The following SIPA1L1 variants were observed in gnomAD, a reference collection of about 807,000 sequenced individuals.
SIPA1L1 encodes signal induced proliferation associated 1 like 1.
A neutral mutation model predicts 162.7 loss-of-function variants in SIPA1L1; 26 were observed. That is an observed-to-expected ratio of 0.16 (90% CI 0.12 to 0.22). The LOEUF is 0.22. Ranked by LOEUF, SIPA1L1 falls within the 10% of genes least tolerant of loss-of-function variation. The pLI is 1.00. For synonymous variants in SIPA1L1, 829 were observed against 837.4 expected (o/e 0.99, Z 0.17); for missense variants, 1,874 against 2,241.0 (o/e 0.84, Z 3.31).
intron 6 of SIPA1L1, 38 bp downstream of exon 6, chr14:71,618,925 A>T: frequency 6.2e-7 from 1 of 1,603,072 alleles, no homozygotes. Context: ...GTTTAACTGA[A>T]ATGGGGAAGA....
At chr14:71,713,686 A>G (rs1299917361) in intron 17 of SIPA1L1, among the ~76,000 whole-genome samples, 1 of 152,214 alleles carries the variant, frequency 6.6e-6, no homozygotes, top group East Asian at 1.9e-4. Context: ...TGTGTGGTTT[A>G]CATTGAACAT....
chr14:71,667,149 T>G lies in SIPA1L1; in HGVS notation c.2256-3970T>G, dbSNP rs1424974883. Among the ~76,000 whole-genome samples, 3 of 152,162 alleles carry G rather than the reference T, an allele frequency of 2.0e-5. No homozygotes were observed. In the East Asian group the frequency reaches 5.8e-4, roughly 29 times the overall value. On this transcript the variant is annotated intron_variant, in intron 10 of 23. Coordinates refer to ENST00000381232, the MANE Select transcript of SIPA1L1 (RefSeq NM_001386936.1). ...TGTCTCTCAGTCTCATCTACCAGTC[T>G]GCACCCCATGCCTACCTCACTCCTT...
At chr14:71,330,553 T>A (rs2034404834) in intron 2 of SIPA1L1, 1 of 1,355,478 alleles carries the variant, frequency 7.4e-7, no homozygotes, top group Non-Finnish European at 1.1e-6. Flanking sequence ...GATGCCTAGC[T>A]GGGAGGCCTT....
chr14:71,699,191 A>G (rs1222060351), intron 14 of SIPA1L1, 64 bp downstream of exon 14: 1 of 1,478,412 alleles, frequency 6.8e-7, no homozygotes, highest in Non-Finnish European at 9.4e-7. Flanking sequence ...ATCTGTACTC[A>G]GACATGTAAA....
At chr14:71,323,114 G>GT (rs1180437460) in intron 2 of SIPA1L1, among the ~76,000 whole-genome samples, 3 of 152,214 alleles carry the variant, frequency 2.0e-5, no homozygotes, top group Non-Finnish European at 4.4e-5. Context: ...TTGCTTTGAA[G>GT]TATGTGTGTA....
At chr14:71,584,782 T>C (rs958246422) in intron 4 of SIPA1L1, among the ~76,000 whole-genome samples, 2 of 152,248 alleles carry the variant, frequency 1.3e-5, no homozygotes, top group Non-Finnish European at 2.9e-5. Context: ...ATTAAACATG[T>C]AATAAGGAAA....
intron 10 of SIPA1L1, among the ~76,000 whole-genome samples, chr14:71,666,954 T>C (rs933000374): frequency 2.0e-5 from 3 of 152,048 alleles, no homozygotes; most frequent in Admixed American, 2.0e-4. Flanking sequence ...GAAATTTCTT[T>C]CAGAAGGTCT....
chr14:71,688,609 A>T (rs1454039141), intron 13 of SIPA1L1, among the ~76,000 whole-genome samples: 1 of 152,162 alleles, frequency 6.6e-6, no homozygotes, highest in Non-Finnish European at 1.5e-5. Context: ...GAGAACAAAT[A>T]CCTTATTGAG....
At chr14:71,461,246 C>T (rs1273050220) in intron 2 of SIPA1L1, among the ~76,000 whole-genome samples, 2 of 152,030 alleles carry the variant, frequency 1.3e-5, no homozygotes, top group Non-Finnish European at 2.9e-5. Flanking sequence ...GGAATGGTGC[C>T]ATATCAAGGA....
chr14:71,414,561 T>C (rs1473862437), intron 2 of SIPA1L1, among the ~76,000 whole-genome samples: 1 of 152,256 alleles, frequency 6.6e-6, no homozygotes, highest in African/African-American at 2.4e-5. Context: ...TGTTGTCATC[T>C]TTGCAGATGA....
At chr14:71,647,643 G>T (rs534311861) in intron 7 of SIPA1L1, among the ~76,000 whole-genome samples, 1 of 152,240 alleles carries the variant, frequency 6.6e-6, no homozygotes, top group Admixed American at 6.5e-5. Context: ...GTTCTCCCTG[G>T]AGGGAGAGAG....
chr14:71,484,343 TG>T (rs1281997416), intron 2 of SIPA1L1, among the ~76,000 whole-genome samples: 6 of 151,916 alleles, frequency 3.9e-5, no homozygotes, highest in Non-Finnish European at 7.4e-5. Flanking sequence ...CTTTTATCTT[TG>T]ATACTCAAAT....
chr14:71,567,712 G>T (rs2031006287), intron 4 of SIPA1L1, among the ~76,000 whole-genome samples: 1 of 146,824 alleles, frequency 6.8e-6, no homozygotes. Context: ...TTTGTAAACT[G>T]CAGTAGTGCT....
At chr14:71,343,420 G>GGAAGAA (rs2035850602) in intron 2 of SIPA1L1, among the ~76,000 whole-genome samples, 1 of 152,146 alleles carries the variant, frequency 6.6e-6, no homozygotes, top group Admixed American at 6.5e-5. Context: ...TGGGAATTCA[G>GGAAGAA]GAAGAATAGA....
chr14:71,419,537 C>A (rs2043036437), intron 2 of SIPA1L1, among the ~76,000 whole-genome samples: 2 of 138,470 alleles, frequency 1.4e-5, no homozygotes, highest in South Asian at 2.3e-4. Flanking sequence ...GTCGCCCAGG[C>A]CGGACTGCGG....
chr14:71,410,208 C>T (rs1183407293), intron 2 of SIPA1L1, among the ~76,000 whole-genome samples: 2 of 152,200 alleles, frequency 1.3e-5, no homozygotes, highest in East Asian at 1.9e-4. Context: ...CTTCTCAATC[C>T]GCTGGTGAGC....
chr14:71,426,818 A>T (rs1286944894), intron 2 of SIPA1L1, among the ~76,000 whole-genome samples: 3 of 152,046 alleles, frequency 2.0e-5, no homozygotes, highest in African/African-American at 7.2e-5. Context: ...TAACTACATA[A>T]ACTCTCTTCC....
chr14:71,405,569 G>A (rs1031643296), intron 2 of SIPA1L1, among the ~76,000 whole-genome samples: 6 of 152,134 alleles, frequency 3.9e-5, no homozygotes, highest in African/African-American at 1.4e-4. Flanking sequence ...CCCCTTCTGG[G>A]GTAAAGGCCA....
At chr14:71,365,884 C>G (rs1339777534) in intron 2 of SIPA1L1, among the ~76,000 whole-genome samples, 1 of 127,324 alleles carries the variant, frequency 7.9e-6, no homozygotes, top group Admixed American at 8.5e-5. Flanking sequence ...TGCCAACATG[C>G]CTGGTTAATT....
Sources: gnomAD v4.1 joint callset for allele counts (sites outside exome capture counted in the v4.1 genomes callset) on GRCh38, gnomAD v4.1.1 for gene constraint, MANE v1.5 for transcripts, NCBI Gene and HGNC (gene_info 2026-07-23, HGNC 2026-07-21) for gene names.